WAC: variants seen among roughly 807,000 people sequenced by gnomAD.
The protein encoded by WAC is WW domain-containing adapter protein with coiled-coil.
In WAC, 11 loss-of-function variants were observed where a neutral mutation model predicts 79.6. The observed-to-expected ratio is 0.14, with a 90% CI of 0.09 to 0.23. WAC has a LOEUF of 0.23. WAC is among the 10% of genes least tolerant of loss of function. The probability of loss-of-function intolerance (pLI) is 1.00; values close to 1 mark genes in which losing one functional copy is unlikely to be tolerated. For synonymous variants in WAC, 304 were observed against 276.9 expected, an observed-to-expected ratio of 1.10 and a Z score of -0.97; for missense variants, 728 against 773.5, an observed-to-expected ratio of 0.94 and a Z score of 0.70.
At position 28,533,142 on chromosome 10, in the gene WAC, A is replaced by AGCGGCAGCGGCGGCACCAGCG. The variant is rs1564365921; in HGVS notation, c.-432_-412dup. On this transcript the variant is annotated 5_prime_UTR_variant, in exon 1 of 14. Coordinates refer to ENST00000354911, the MANE Select transcript of WAC (RefSeq NM_016628.5). ...CGAGTTGCCCGGATGTAGTTGGTGG[A>AGCGGCAGCGGCGGCACCAGCG]GCGGCAGCGGCGGCACCAGCGGCGG... The AGCGGCAGCGGCGGCACCAGCG allele has an allele frequency of 6.0e-6, 1 of 165,504 alleles. No homozygotes were observed. The highest frequency in any genetic ancestry group is 1.3e-5 in the Non-Finnish European group (1 of 77,384). 10.3% of individuals were successfully genotyped at this position (165,504 alleles called of 1,614,324 possible). A position where few individuals can be genotyped will look rare whatever the true frequency, so the allele number is the denominator to read the frequency against.
rs904344011 is a variant in WAC, at chr10:28,622,787, A to C, written c.*3181A>C. Reference sequence around the variant, plus strand: ...CAAAAACAGTTTATTATGTTCAAAAACCACCATATCTTTGAGGGACTGTTT... The same window carrying C: ...CAAAAACAGTTTATTATGTTCAAAACCCACCATATCTTTGAGGGACTGTTT... On this transcript the variant is annotated 3_prime_UTR_variant, in exon 14 of 14. Transcript: ENST00000354911. The C allele has an allele frequency of 2.0e-5, 3 of 152,132 alleles. No homozygotes were observed. The highest frequency in any genetic ancestry group is 4.1e-4 in the South Asian group (2 of 4,832). 9.4% of individuals were successfully genotyped at this position (152,132 alleles called of 1,614,324 possible). A position where few individuals can be genotyped will look rare whatever the true frequency, so the allele number is the denominator to read the frequency against.
chr10:28,611,041 A>C, intron 9 of WAC: 2 of 592,842 alleles, frequency 3.4e-6, no homozygotes, highest in Non-Finnish European at 5.5e-6. Flanking sequence ...GTCTTAAGGT[A>C]TTGCCATCAA....
At chr10:28,538,663 G>A (rs142426681) in intron 3 of WAC, among the ~76,000 whole-genome samples, 1 of 151,062 alleles carries the variant, frequency 6.6e-6, no homozygotes, top group East Asian at 2.0e-4. Flanking sequence ...GTTGAGATGG[G>A]AAGGTCCTTT....
intron 3 of WAC, among the ~76,000 whole-genome samples, chr10:28,547,822 C>A (rs1837437323): frequency 6.6e-6 from 1 of 151,772 alleles, no homozygotes; most frequent in South Asian, 2.1e-4. Flanking sequence ...TAAAACTTCA[C>A]AAATCTCACT....
intron 3 of WAC, among the ~76,000 whole-genome samples, chr10:28,568,886 A>G (rs332135): frequency 0.12 from 18,339 of 152,200 alleles, 1,490 homozygotes; most frequent in Middle Eastern, 0.2. Context: ...TTCTTTTTAT[A>G]TGAGTTGGGA....
At position 28,536,012 on chromosome 10, in the gene WAC, C is replaced by T. The variant is rs2790445; in HGVS notation, c.274+255C>T. ...AATCTCAGCACTTGGGAGGCCGAGG[C>T]GGGCAGATCACCTGAGGTCAGGAGT... On this transcript the variant is annotated intron_variant, in intron 3 of 13. Coordinates refer to ENST00000354911, the MANE Select transcript of WAC (RefSeq NM_016628.5). The T allele has an allele frequency of 4.0e-3, 929 of 230,582 alleles. 11 individuals carry two copies. Among genetic ancestry groups the T allele is most frequent in the Non-Finnish European group, 6.4e-3 (763 of 118,968 alleles). The allele number at this position is 230,582 out of a possible 1,614,324, so 14.3% of individuals were successfully genotyped here. A position where few individuals can be genotyped will look rare whatever the true frequency, so the allele number is the denominator to read the frequency against.
At chr10:28,541,415 G>GTGTGTTTTTTTT (rs1212601285) in intron 3 of WAC, among the ~76,000 whole-genome samples, 4 of 37,904 alleles carry the variant, frequency 1.1e-4, no homozygotes, top group Non-Finnish European at 1.7e-4. Context: ...GTGTGTGTGT[G>GTGTGTTTTTTTT]TTTTGTTTTT....
intron 3 of WAC, among the ~76,000 whole-genome samples, chr10:28,559,754 C>A (rs1342614231): frequency 1.3e-5 from 2 of 152,116 alleles, no homozygotes. Flanking sequence ...CAGTCTAGAA[C>A]CCACATAGCA....
intron 3 of WAC, among the ~76,000 whole-genome samples, chr10:28,545,480 A>G (rs561716589): frequency 8.5e-5 from 13 of 152,314 alleles, no homozygotes; most frequent in South Asian, 4.1e-4. Context: ...AACTCCGTCT[A>G]AAAGAAGAAA....
intron 3 of WAC, among the ~76,000 whole-genome samples, chr10:28,570,946 C>CCT (rs1838920479): frequency 1.6e-5 from 1 of 64,506 alleles, no homozygotes; most frequent in East Asian, 5.7e-4. Flanking sequence ...TAAAGATATA[C>CCT]TTTTTTTTTT....
rs911736728 is a variant in WAC at position 28,533,178 on chromosome 10, GGGAGGA to G, written c.-391_-386del. 15 of 169,752 alleles carry G rather than the reference GGGAGGA, an allele frequency of 8.8e-5. No individual in the cohort carries two copies. Among genetic ancestry groups the G allele is most frequent in the Admixed American group, 5.8e-4 (9 of 15,548 alleles). The allele number at this position is 169,752 out of a possible 1,614,324, so 10.5% of individuals were successfully genotyped here. ...CGGCACCAGCGGCGGCGGCGGCGGC[GGGAGGA>G]GGAGGAGGAGAAGAAGGACCAGGCG... On this transcript the variant is annotated 5_prime_UTR_variant, in exon 1 of 14. Coordinates refer to ENST00000354911, the MANE Select transcript of WAC (RefSeq NM_016628.5).
At chr10:28,583,912 C>T (rs576881712) in intron 4 of WAC, among the ~76,000 whole-genome samples, 3 of 152,226 alleles carry the variant, frequency 2.0e-5, no homozygotes, top group African/African-American at 4.8e-5. Flanking sequence ...CTCTCCCAGA[C>T]GCTAGGGATA....
chr10:28,592,720 C>A (rs931929325), intron 6 of WAC, among the ~76,000 whole-genome samples: 2 of 151,992 alleles, frequency 1.3e-5, no homozygotes, highest in Admixed American at 1.3e-4. Context: ...AGGCCATATT[C>A]GTAAATAGGT....
intron 3 of WAC, among the ~76,000 whole-genome samples, chr10:28,553,753 G>A (rs930883788): frequency 3.9e-5 from 6 of 152,110 alleles, no homozygotes; most frequent in African/African-American, 1.4e-4. Flanking sequence ...GAAAATATTT[G>A]GGGGAATAAA....
chr10:28,574,985 AT>A (rs202139776), intron 3 of WAC, among the ~76,000 whole-genome samples: 1 of 141,800 alleles, frequency 7.1e-6, no homozygotes, highest in East Asian at 2.1e-4. Flanking sequence ...AGTTACATTA[AT>A]GGTACCTAGA....
At chr10:28,574,297 G>A (rs371085155) in intron 3 of WAC, among the ~76,000 whole-genome samples, 3 of 152,116 alleles carry the variant, frequency 2.0e-5, no homozygotes, top group East Asian at 1.9e-4. Flanking sequence ...ACAGGCATGC[G>A]TCACCACACC....
At chr10:28,601,800 CAT>C (rs1391413143) in intron 7 of WAC, among the ~76,000 whole-genome samples, 1 of 152,098 alleles carries the variant, frequency 6.6e-6, no homozygotes, top group Non-Finnish European at 1.5e-5. Flanking sequence ...GAGCAGGACA[CAT>C]ATTTTATGAT....
intron 2 of WAC, among the ~76,000 whole-genome samples, chr10:28,534,668 A>G (rs1489448440): frequency 1.3e-5 from 2 of 152,170 alleles, no homozygotes; most frequent in Non-Finnish European, 2.9e-5. Context: ...AAGGATTATG[A>G]TGAAAGTGGC....
At chr10:28,575,972 G>A (rs1839224946) in intron 3 of WAC, among the ~76,000 whole-genome samples, 1 of 152,106 alleles carries the variant, frequency 6.6e-6, no homozygotes, top group African/African-American at 2.4e-5. Flanking sequence ...TATTATAGTT[G>A]CCTACAGTCT....
Sources: allele counts gnomAD v4.1 joint callset (sites outside exome capture counted in the v4.1 genomes callset), GRCh38; gene constraint gnomAD v4.1.1; transcripts MANE v1.5; gene names NCBI Gene and HGNC (gene_info 2026-07-23, HGNC 2026-07-21).